Variants in BCAS4 observed in about 807,000 individuals in gnomAD.
The protein encoded by BCAS4 is breast carcinoma-amplified sequence 4.
A neutral mutation model predicts 15.7 loss-of-function variants in BCAS4; 9 were observed. That is an observed-to-expected ratio of 0.57 (90% CI 0.34 to 1.00). The LOEUF (loss-of-function observed/expected upper bound fraction) is 1.00, where lower values mean the gene tolerates loss of function less well. Among genes scored for constraint, BCAS4 ranks in the 50% least tolerant of loss-of-function variants. The probability of loss-of-function intolerance (pLI) is 0.02; values close to 1 mark genes in which losing one functional copy is unlikely to be tolerated. For synonymous variants in BCAS4, 101 were observed against 99.5 expected (o/e 1.02, Z -0.09); for missense variants, 225 against 239.1 (o/e 0.94, Z 0.39).
chr20:50,831,057 G>A (rs1025793371), intron 3 of BCAS4, among the ~76,000 whole-genome samples: 1 of 151,810 alleles, frequency 6.6e-6, no homozygotes, highest in South Asian at 2.1e-4. Context: ...TACATATATC[G>A]ACATCATGTG....
intron 2 of BCAS4, among the ~76,000 whole-genome samples, chr20:50,827,462 C>G (rs1006187793): frequency 9.2e-5 from 14 of 152,208 alleles, no homozygotes; most frequent in African/African-American, 3.1e-4. Flanking sequence ...TCCCCCTTTC[C>G]AGACCCATTC....
intron 4 of BCAS4, among the ~76,000 whole-genome samples, chr20:50,849,762 G>GT (rs1978326518): frequency 6.6e-6 from 1 of 152,158 alleles, no homozygotes; most frequent in Non-Finnish European, 1.5e-5. Flanking sequence ...TTTTGTTGTT[G>GT]TTGTTTTTTG....
At chr20:50,813,363 A>C (rs2088095946) in intron 1 of BCAS4, among the ~76,000 whole-genome samples, 1 of 152,198 alleles carries the variant, frequency 6.6e-6, no homozygotes, top group African/African-American at 2.4e-5. Context: ...CTTTTGTCTT[A>C]ACAGGACTGC....
At chr20:50,806,304 C>T (rs1452328332) in intron 1 of BCAS4, among the ~76,000 whole-genome samples, 1 of 152,194 alleles carries the variant, frequency 6.6e-6, no homozygotes, top group South Asian at 2.1e-4. Flanking sequence ...ACTAAGGCGC[C>T]GCCCAGGCTG....
At chr20:50,818,131 T>TA in intron 1 of BCAS4, 80 bp from the exon 2 acceptor site, 23 of 1,268,230 alleles carry the variant, frequency 1.8e-5, no homozygotes, top group South Asian at 2.5e-5. Flanking sequence ...TTAGTTTGCT[T>TA]TAAAAAAAAA....
chr20:50,796,081 T>C (rs938133101), intron 1 of BCAS4, among the ~76,000 whole-genome samples: 14 of 150,860 alleles, frequency 9.3e-5, no homozygotes, highest in Admixed American at 2.0e-4. Flanking sequence ...GAGTGAGACA[T>C]TTAAAAAAAA....
chr20:50,831,697 A>G (rs2088345792), intron 3 of BCAS4, among the ~76,000 whole-genome samples: 1 of 152,078 alleles, frequency 6.6e-6, no homozygotes, highest in Admixed American at 6.6e-5. Context: ...TCCAGCTCAT[A>G]TGTGCCAGTG....
At chr20:50,869,968 C>T (rs563407930) in intron 4 of BCAS4, among the ~76,000 whole-genome samples, 3 of 152,102 alleles carry the variant, frequency 2.0e-5, no homozygotes, top group South Asian at 2.1e-4. Flanking sequence ...AGGCTGGTCT[C>T]GAACTCCTGA....
At chr20:50,815,632 G>T (rs1418143510) in intron 1 of BCAS4, among the ~76,000 whole-genome samples, 1 of 152,196 alleles carries the variant, frequency 6.6e-6, no homozygotes. Flanking sequence ...CACAGAAATA[G>T]TCCCAGCTGT....
intron 1 of BCAS4, among the ~76,000 whole-genome samples, chr20:50,811,758 G>A (rs2088066097): frequency 6.6e-6 from 1 of 152,166 alleles, no homozygotes; most frequent in South Asian, 2.1e-4. Flanking sequence ...GAGTAGTTGG[G>A]ACTACAGGCT....
At chr20:50,842,198 C>G (rs1192414263) in intron 4 of BCAS4, among the ~76,000 whole-genome samples, 2 of 152,198 alleles carry the variant, frequency 1.3e-5, no homozygotes, top group African/African-American at 4.8e-5. Context: ...TCCTTGCACA[C>G]TTAGGGACAG....
At chr20:50,817,944 T>TAACAA (rs1389391610) in intron 1 of BCAS4, among the ~76,000 whole-genome samples, 1 of 151,920 alleles carries the variant, frequency 6.6e-6, no homozygotes, top group Non-Finnish European at 1.5e-5. Flanking sequence ...ACGGGTAGCT[T>TAACAA]TGTTATTTCC....
In BCAS4 at chr20:50,801,988, A is replaced by T. The variant is rs531512117; in HGVS notation, c.90+6815A>T. The stretch of plus-strand genomic sequence containing the variant: ...GGGCCACACCAGGGCCTGGGTCCCC[A>T]GGGGGGGAGTCTGAATTCTGTTCTA... On this transcript the variant is annotated intron_variant, in intron 1 of 4. Transcript: ENST00000371608. 5.3e-5 allele frequency among the ~76,000 whole-genome samples: 8 copies of T among 151,784 alleles called. 1 individual carries two copies. In the South Asian group the frequency reaches 1.7e-3, roughly 32 times the overall value.
downstream of BCAS4, chr20:50,880,877 A>G (rs1568692428): frequency 6.6e-6 from 1 of 152,180 alleles, no homozygotes; most frequent in Non-Finnish European, 1.5e-5. Flanking sequence ...TCTGGAAAAA[A>G]TAGAGCTCCA....
chr20:50,829,025 C>G (rs904074034), intron 2 of BCAS4, among the ~76,000 whole-genome samples: 4 of 152,180 alleles, frequency 2.6e-5, no homozygotes, highest in Non-Finnish European at 5.9e-5. Context: ...CCCAAGGTCA[C>G]AGAGCTCATG....
chr20:50,829,927 G>T (rs2088323306), intron 2 of BCAS4, among the ~76,000 whole-genome samples: 1 of 152,182 alleles, frequency 6.6e-6, no homozygotes, highest in Non-Finnish European at 1.5e-5. Context: ...ATGAAAACTG[G>T]ACTGACTTTG....
At chr20:50,810,826 G>C (rs1308274220) in intron 1 of BCAS4, among the ~76,000 whole-genome samples, 1 of 152,076 alleles carries the variant, frequency 6.6e-6, no homozygotes, top group Non-Finnish European at 1.5e-5. Flanking sequence ...TCCTGACTTT[G>C]TGATCTGTCC....
At chr20:50,858,451 A>C (rs901046012) in intron 4 of BCAS4, among the ~76,000 whole-genome samples, 2 of 151,650 alleles carry the variant, frequency 1.3e-5, no homozygotes, top group Non-Finnish European at 2.9e-5. Context: ...AAAATAGAAA[A>C]ATTAGCCGGG....
At chr20:50,823,846 A>G (rs1197143535) in intron 2 of BCAS4, among the ~76,000 whole-genome samples, 2 of 152,054 alleles carry the variant, frequency 1.3e-5, no homozygotes, top group African/African-American at 4.8e-5. Flanking sequence ...AATATTCTAT[A>G]TCTTAGTCTG....
Sources: allele counts gnomAD v4.1 joint callset (sites outside exome capture counted in the v4.1 genomes callset), GRCh38; gene constraint gnomAD v4.1.1; transcripts MANE v1.5; gene names NCBI Gene and HGNC (gene_info 2026-07-23, HGNC 2026-07-21).